Variants in PDE10A observed in about 807,000 individuals in gnomAD.
The protein encoded by PDE10A is phosphodiesterase 10A, also known as cAMP and cAMP-inhibited cGMP 3',5'-cyclic phosphodiesterase 10A.
PDE10A carries 39 observed loss-of-function variants against 97.7 expected under a neutral mutation model. The ratio of observed to expected loss-of-function variants is 0.40; its 90% CI spans 0.31 to 0.52. PDE10A has a LOEUF of 0.52. Ranked by LOEUF, PDE10A falls within the 20% of genes least tolerant of loss-of-function variation. The pLI, the probability that PDE10A is intolerant of heterozygous loss-of-function variation, is 0.56. For missense variants in PDE10A, 731 were observed against 1,047.8 expected, an observed-to-expected ratio of 0.70 and a Z score of 4.17; for synonymous variants, 371 against 376.8, an observed-to-expected ratio of 0.98 and a Z score of 0.18.
Position 165,332,805 on chromosome 6 carries a change from TG to T in PDE10A, c.*219del. 1 of 489,254 alleles carries T rather than the reference TG, an allele frequency of 2.0e-6. No homozygotes were observed. The highest frequency in any genetic ancestry group is 3.6e-6 in the Non-Finnish European group (1 of 277,900). The allele number at this position is 489,254 out of a possible 1,614,324, so 30.3% of individuals were successfully genotyped here. A position where few individuals can be genotyped will look rare whatever the true frequency, so the allele number is the denominator to read the frequency against. On this transcript the variant is annotated 3_prime_UTR_variant, in exon 22 of 22. Transcript: ENST00000539869. ...CACTTGGCCAGCTGATTTCTGAACG[TG>T]GGGGTGGTCCTGGTTGCTCAGTGTC...
intron 3 of PDE10A, among the ~76,000 whole-genome samples, chr6:165,469,158 TTTA>T (rs1254893363): frequency 1.3e-5 from 2 of 152,230 alleles, no homozygotes; most frequent in African/African-American, 2.4e-5. Context: ...TCTGCATCAC[TTTA>T]TTATTATGGA....
intron 1 of PDE10A, among the ~76,000 whole-genome samples, chr6:165,695,523 C>A (rs559349689): frequency 1.3e-5 from 2 of 152,192 alleles, no homozygotes; most frequent in African/African-American, 4.8e-5. Flanking sequence ...GTCCCCTAAC[C>A]CCTCATGCCC....
At chr6:165,472,819 A>G (rs184525645) in intron 3 of PDE10A, among the ~76,000 whole-genome samples, 111 of 152,282 alleles carry the variant, frequency 7.3e-4, no homozygotes, top group African/African-American at 2.5e-3. Context: ...AAAAACATTA[A>G]AAGAGTGTCA....
At chr6:165,417,378 G>A (rs1788393230) in intron 11 of PDE10A, among the ~76,000 whole-genome samples, 1 of 152,106 alleles carries the variant, frequency 6.6e-6, no homozygotes, top group Admixed American at 6.5e-5. Flanking sequence ...TGCTCTCTGT[G>A]GTTTGCTATC....
chr6:165,522,765 T>C (rs1264390813), intron 2 of PDE10A, among the ~76,000 whole-genome samples: 2 of 152,078 alleles, frequency 1.3e-5, no homozygotes, highest in African/African-American at 4.8e-5. Context: ...TACTGGATGA[T>C]GTAACCAGAG....
intron 3 of PDE10A, among the ~76,000 whole-genome samples, chr6:165,461,871 A>G (rs945910271): frequency 3.3e-5 from 5 of 152,372 alleles, no homozygotes; most frequent in Non-Finnish European, 7.3e-5. Flanking sequence ...GCCAAATGGT[A>G]TATTCCTCAT....
At position 165,825,076 on chromosome 6, in the gene PDE10A, A is replaced by G. The variant is rs1460472073; in HGVS notation, c.-615+162453T>C. The stretch of plus-strand genomic sequence containing the variant: ...AGGCAGAGAACTGCTTGAACCCAGG[A>G]GGTGGAGGTTGCAGTGAGCTGAGAT... On this transcript the variant is annotated intron_variant, in intron 1 of 19. Coordinates refer to the PDE10A transcript ENST00000366882. Among the ~76,000 whole-genome samples, 14 of 144,406 alleles carry G rather than the reference A, an allele frequency of 9.7e-5. No individual in the cohort carries two copies. The East Asian group carries it at 1.5e-3, about 16-fold the overall frequency. 94.7% of individuals were successfully genotyped at this position (144,406 alleles called of 152,430 possible).
chr6:165,788,054 T>C (rs562948766), intron 1 of PDE10A, among the ~76,000 whole-genome samples: 4 of 152,320 alleles, frequency 2.6e-5, no homozygotes, highest in Admixed American at 2.6e-4. Context: ...ACAATCTGTC[T>C]TTACTAAGAT....
At chr6:165,887,140 C>A (rs190988077) in intron 1 of PDE10A, among the ~76,000 whole-genome samples, 39 of 152,270 alleles carry the variant, frequency 2.6e-4, no homozygotes, top group Non-Finnish European at 4.6e-4. Flanking sequence ...GCTGAAGAGA[C>A]AATTAGTGAA....
chr6:165,970,478 A>G (rs1784635096), intron 1 of PDE10A, among the ~76,000 whole-genome samples: 1 of 152,128 alleles, frequency 6.6e-6, no homozygotes, highest in African/African-American at 2.4e-5. Flanking sequence ...TGCATGTTTT[A>G]TATAAGTTTG....
At position 165,558,247 on chromosome 6, in the gene PDE10A, A is replaced by C. The variant is rs373008890; in HGVS notation, c.866-14679T>G. On this transcript the variant is annotated intron_variant, in intron 1 of 21. Transcript: ENST00000539869. ...AGACTGGATAAAGAAAATGTGGCAC[A>C]TATACACCATGGAATACTATGCAGC... Among the ~76,000 whole-genome samples, 13 of 152,368 alleles carry C rather than the reference A, an allele frequency of 8.5e-5. No individual in the cohort carries two copies. The East Asian group carries it at 2.1e-3, about 25-fold the overall frequency.
chr6:165,596,362 C>T (rs1010059500), intron 1 of PDE10A, among the ~76,000 whole-genome samples: 7 of 152,216 alleles, frequency 4.6e-5, no homozygotes, highest in African/African-American at 1.7e-4. Flanking sequence ...TGCCCTTTTT[C>T]TCCTACAGTC....
At chr6:165,864,617 T>A (rs1780989372) in intron 1 of PDE10A, among the ~76,000 whole-genome samples, 1 of 152,240 alleles carries the variant, frequency 6.6e-6, no homozygotes, top group Admixed American at 6.5e-5. Flanking sequence ...ATGTGGCTAG[T>A]GGGAGTGAAC....
intron 3 of PDE10A, among the ~76,000 whole-genome samples, chr6:165,451,176 G>C (rs975612721): frequency 6.6e-6 from 1 of 152,064 alleles, no homozygotes; most frequent in Non-Finnish European, 1.5e-5. Context: ...CGCTTGCACT[G>C]CAGCCACTGT....
chr6:165,359,110 GTAT>G (rs1199127092), intron 18 of PDE10A, among the ~76,000 whole-genome samples: 1 of 151,796 alleles, frequency 6.6e-6, no homozygotes, highest in Non-Finnish European at 1.5e-5. Context: ...TCTTACCCTA[GTAT>G]TATTTTTGCT....
chr6:165,987,884 T>C (rs1452170891), exon 1 of PDE10A: 2 of 376,352 alleles, frequency 5.3e-6, no homozygotes, highest in Non-Finnish European at 1.0e-5. Flanking sequence ...TGGGCGCCCA[T>C]GAAGACCAGT....
At chr6:165,883,093 G>A (rs561470034) in intron 1 of PDE10A, among the ~76,000 whole-genome samples, 2 of 152,080 alleles carry the variant, frequency 1.3e-5, no homozygotes, top group East Asian at 1.9e-4. Flanking sequence ...AAAATTAGTC[G>A]GGTGCAGTGG....
At chr6:165,894,649 C>A in intron 1 of PDE10A, 1 of 413,038 alleles carries the variant, frequency 2.4e-6, no homozygotes. Context: ...TCCCACCGAG[C>A]ATGGGGCTGG....
intron 1 of PDE10A, among the ~76,000 whole-genome samples, chr6:165,705,078 C>T (rs1027281596): frequency 6.6e-6 from 1 of 152,194 alleles, no homozygotes; most frequent in Non-Finnish European, 1.5e-5. Context: ...TGGTACCACC[C>T]GCCCCCAGCA....
Sources: gnomAD v4.1 joint callset for allele counts (sites outside exome capture counted in the v4.1 genomes callset) on GRCh38, gnomAD v4.1.1 for gene constraint, MANE v1.5 for transcripts, NCBI Gene and HGNC (gene_info 2026-07-23, HGNC 2026-07-21) for gene names.